Variants in GLIS3 observed in about 807,000 individuals in gnomAD.
GLIS3 encodes zinc finger protein GLIS3.
Under a neutral mutation model 78.6 loss-of-function variants are expected in GLIS3, and 53 were observed. The observed-to-expected ratio is 0.67, with a 90% CI of 0.54 to 0.85. GLIS3 has a LOEUF of 0.85. Ranked by LOEUF, GLIS3 falls within the 40% of genes least tolerant of loss-of-function variation. GLIS3 has a pLI of 0.00. For synonymous variants in GLIS3, 684 were observed against 509.9 expected (o/e 1.34, Z -4.60); for missense variants, 1,703 against 1,231.1 (o/e 1.38, Z -5.74).
At chr9:4,049,860 C>A (rs946415624) in intron 4 of GLIS3, among the ~76,000 whole-genome samples, 8 of 152,280 alleles carry the variant, frequency 5.3e-5, no homozygotes, top group African/African-American at 1.9e-4. Flanking sequence ...CTCATCATCA[C>A]TGGCCATCAG....
intron 4 of GLIS3, among the ~76,000 whole-genome samples, chr9:4,024,939 A>C (rs1484573324): frequency 2.0e-5 from 3 of 152,172 alleles, no homozygotes; most frequent in Non-Finnish European, 2.9e-5. Context: ...GCACTTAAGC[A>C]CAGTGAGGAG....
chr9:4,260,423 T>TTGGC (rs1267654430), intron 2 of GLIS3, among the ~76,000 whole-genome samples: 1 of 151,876 alleles, frequency 6.6e-6, no homozygotes, highest in Admixed American at 6.6e-5. Flanking sequence ...AAGAATTAGC[T>TTGGC]TGGCGTGGTG....
chr9:3,950,209 G>A (rs376125929), intron 4 of GLIS3, among the ~76,000 whole-genome samples: 7 of 152,024 alleles, frequency 4.6e-5, no homozygotes, highest in East Asian at 3.9e-4. Flanking sequence ...AAGCCACTAT[G>A]GCCTCCCACC....
chr9:3,890,365 C>G (rs957335933), intron 7 of GLIS3, among the ~76,000 whole-genome samples: 1 of 152,126 alleles, frequency 6.6e-6, no homozygotes, highest in Non-Finnish European at 1.5e-5. Context: ...TTGGAAGGAA[C>G]GCTTTATGTC....
the GLIS3 span, among the ~76,000 whole-genome samples, chr9:4,486,494 G>A: frequency 2.0e-5 from 3 of 152,094 alleles, no homozygotes; most frequent in Non-Finnish European, 4.4e-5. Flanking sequence ...GTTTTACCAG[G>A]ATTCAAGCCC....
chr9:3,843,953 G>A (rs915212253), intron 9 of GLIS3, among the ~76,000 whole-genome samples: 5 of 152,146 alleles, frequency 3.3e-5, no homozygotes, highest in Non-Finnish European at 7.3e-5. Context: ...ATCTTGTAAG[G>A]CCTAGTTCTC....
chr9:4,295,304 C>G (rs1816382130), intron 1 of GLIS3, among the ~76,000 whole-genome samples: 1 of 152,142 alleles, frequency 6.6e-6, no homozygotes, highest in South Asian at 2.1e-4. Context: ...TCACATTAGA[C>G]ATTTCACTTG....
intron 2 of GLIS3, among the ~76,000 whole-genome samples, chr9:4,324,318 G>C (rs1817573179): frequency 6.6e-6 from 1 of 152,192 alleles, no homozygotes; most frequent in Admixed American, 6.5e-5. Flanking sequence ...AGGATGTGGA[G>C]TTGTGACCCT....
chr9:3,888,929 T>C (rs1298783251), intron 7 of GLIS3, among the ~76,000 whole-genome samples: 1 of 152,184 alleles, frequency 6.6e-6, no homozygotes, highest in Non-Finnish European at 1.5e-5. Flanking sequence ...AAAATATATT[T>C]TGAGGAAGCA....
At chr9:4,115,559 G>C (rs924045703) in intron 4 of GLIS3, among the ~76,000 whole-genome samples, 1 of 152,026 alleles carries the variant, frequency 6.6e-6, no homozygotes, top group Non-Finnish European at 1.5e-5. Flanking sequence ...TCTATCTGTG[G>C]ATTACAACTT....
chr9:4,069,290 G>C (rs932977670), intron 4 of GLIS3, among the ~76,000 whole-genome samples: 2 of 152,146 alleles, frequency 1.3e-5, no homozygotes, highest in Non-Finnish European at 2.9e-5. Flanking sequence ...TCAGATTCTG[G>C]CCTGAAACTA....
chr9:4,400,039 G>T, the GLIS3 span, among the ~76,000 whole-genome samples: 4 of 152,150 alleles, frequency 2.6e-5, no homozygotes, highest in African/African-American at 7.2e-5. Flanking sequence ...AGGGCAAGCA[G>T]GATTCAGATT....
rs1199862867 is a variant in GLIS3, at chr9:3,939,087, G to C, written c.1711-1898C>G. On this transcript the variant is annotated intron_variant, in intron 4 of 10. Coordinates refer to ENST00000381971, the MANE Select transcript of GLIS3 (RefSeq NM_001042413.2). ...AAGACTGTAGCCTGGTTCTTAGCAA[G>C]GCTCTTTTGTAGGGTGGATTCCATT... Among the ~76,000 whole-genome samples, 3 of 152,276 alleles carry C rather than the reference G, an allele frequency of 2.0e-5. No homozygotes were observed. In the East Asian group the frequency reaches 5.8e-4, roughly 29 times the overall value.
the GLIS3 span, among the ~76,000 whole-genome samples, chr9:4,391,820 A>G: frequency 6.6e-6 from 1 of 152,212 alleles, no homozygotes; most frequent in Non-Finnish European, 1.5e-5. Flanking sequence ...AATTAGTTCA[A>G]CCATTGTGGA....
At chr9:4,016,565 G>C (rs979948464) in intron 4 of GLIS3, among the ~76,000 whole-genome samples, 1 of 152,168 alleles carries the variant, frequency 6.6e-6, no homozygotes, top group African/African-American at 2.4e-5. Context: ...CCCCAATGCT[G>C]AAAAACAATG....
chr9:3,837,366 C>T (rs973543682), intron 9 of GLIS3, among the ~76,000 whole-genome samples: 3 of 152,216 alleles, frequency 2.0e-5, no homozygotes, highest in Admixed American at 6.5e-5. Context: ...TTGGCAGTAT[C>T]TTGCAAAACT....
chr9:4,320,668 A>G (rs989960780), intron 2 of GLIS3, among the ~76,000 whole-genome samples: 1 of 151,978 alleles, frequency 6.6e-6, no homozygotes, highest in Admixed American at 6.6e-5. Flanking sequence ...CACTACCTCC[A>G]TCATCACCAC....
intron 6 of GLIS3, among the ~76,000 whole-genome samples, chr9:3,929,643 T>A (rs922522710): frequency 6.6e-6 from 1 of 152,208 alleles, no homozygotes; most frequent in Admixed American, 6.5e-5. Context: ...GCAAGCAGGG[T>A]ATATTAAATA....
the GLIS3 span, among the ~76,000 whole-genome samples, chr9:4,362,295 A>AT: frequency 6.6e-6 from 1 of 152,176 alleles, no homozygotes; most frequent in African/African-American, 2.4e-5. Context: ...TTTTAAAAGA[A>AT]TATTCTCTCA....
Sources: gnomAD v4.1 joint callset for allele counts (sites outside exome capture counted in the v4.1 genomes callset) on GRCh38, gnomAD v4.1.1 for gene constraint, MANE v1.5 for transcripts, NCBI Gene and HGNC (gene_info 2026-07-23, HGNC 2026-07-21) for gene names.